The following CCSER1 variants were observed in gnomAD, a reference collection of about 807,000 sequenced individuals.
The protein encoded by CCSER1 is serine-rich coiled-coil domain-containing protein 1.
Under a neutral mutation model 82.0 loss-of-function variants are expected in CCSER1, and 41 were observed. The observed-to-expected ratio is 0.50, with a 90% confidence interval of 0.39 to 0.65. The LOEUF (loss-of-function observed/expected upper bound fraction) is 0.65. Among genes scored for constraint, CCSER1 ranks in the 30% least tolerant of loss-of-function variants. The probability of loss-of-function intolerance (pLI) is 0.00; values close to 1 mark genes in which losing one functional copy is unlikely to be tolerated. For missense variants in CCSER1, 1,119 were observed against 1,064.2 expected, an observed-to-expected ratio of 1.05 and a Z score of -0.72; for synonymous variants, 414 against 383.9, an observed-to-expected ratio of 1.08 and a Z score of -0.92.
chr4:90,207,972 G>A (rs551642976), intron 1 of CCSER1, among the ~76,000 whole-genome samples: 1 of 152,300 alleles, frequency 6.6e-6, no homozygotes, highest in South Asian at 2.1e-4. Context: ...GGGGGAATGG[G>A]GGTTGGGGAC....
At chr4:90,715,057 A>G (rs1166380911) in intron 6 of CCSER1, among the ~76,000 whole-genome samples, 1 of 152,026 alleles carries the variant, frequency 6.6e-6, no homozygotes, top group Non-Finnish European at 1.5e-5. Flanking sequence ...GAGAGGATCC[A>G]GTTATTGCTT....
At chr4:91,006,963 T>C (rs1231633848) in intron 9 of CCSER1, among the ~76,000 whole-genome samples, 3 of 152,172 alleles carry the variant, frequency 2.0e-5, no homozygotes, top group East Asian at 3.9e-4. Context: ...CTATCCCTAA[T>C]TTGTTGAGAG....
intron 1 of CCSER1, among the ~76,000 whole-genome samples, chr4:90,264,773 C>A (rs1209989249): frequency 6.6e-6 from 1 of 151,982 alleles, no homozygotes; most frequent in Non-Finnish European, 1.5e-5. Flanking sequence ...GCTATCTGAG[C>A]ATTTAATATT....
At chr4:90,625,456 C>G (rs1723089588) in intron 5 of CCSER1, among the ~76,000 whole-genome samples, 1 of 152,092 alleles carries the variant, frequency 6.6e-6, no homozygotes, top group Admixed American at 6.6e-5. Flanking sequence ...AGTGGCAACC[C>G]CATTTAACAG....
intron 10 of CCSER1, among the ~76,000 whole-genome samples, chr4:91,451,683 A>G (rs1344126534): frequency 6.6e-6 from 1 of 152,040 alleles, no homozygotes; most frequent in African/African-American, 2.4e-5. Flanking sequence ...AACATACAAT[A>G]TGCACCCAAA....
At chr4:90,494,860 A>ATT (rs34116226) in intron 5 of CCSER1, among the ~76,000 whole-genome samples, 7 of 150,554 alleles carry the variant, frequency 4.6e-5, no homozygotes, top group South Asian at 4.2e-4. Flanking sequence ...CCTGGGGTAG[A>ATT]TTTTTTTTTT....
At chr4:90,872,791 T>C (rs1419235551) in intron 8 of CCSER1, among the ~76,000 whole-genome samples, 1 of 152,000 alleles carries the variant, frequency 6.6e-6, no homozygotes, top group Non-Finnish European at 1.5e-5. Context: ...GCATTTATTG[T>C]AGAACGTGTC....
At chr4:90,371,996 A>C (rs1747509737) in intron 3 of CCSER1, among the ~76,000 whole-genome samples, 2 of 152,234 alleles carry the variant, frequency 1.3e-5, no homozygotes, top group South Asian at 4.1e-4. Context: ...GAATGTGTTC[A>C]CATATTAACC....
chr4:90,605,251 C>T (rs1358960469), intron 5 of CCSER1, among the ~76,000 whole-genome samples: 2 of 152,150 alleles, frequency 1.3e-5, no homozygotes, highest in Non-Finnish European at 2.9e-5. Context: ...GGGTCTGCAG[C>T]TTCATTCTTG....
At chr4:91,351,537 T>A (rs1748470243) in intron 10 of CCSER1, among the ~76,000 whole-genome samples, 1 of 152,110 alleles carries the variant, frequency 6.6e-6, no homozygotes, top group Admixed American at 6.5e-5. Context: ...AATACTTACT[T>A]ATAAAATAAA....
chr4:90,225,794 A>G (rs1411323282), intron 1 of CCSER1, among the ~76,000 whole-genome samples: 2 of 152,078 alleles, frequency 1.3e-5, no homozygotes, highest in Admixed American at 6.6e-5. Flanking sequence ...TAGATATGCT[A>G]CTGGTTTGAT....
rs191577463 is a variant in CCSER1, at chr4:91,382,015, G to C, written c.2218-216557G>C. Reference sequence around the variant, plus strand: ...TCCAACTCTGTTGGAGTTTGCTGGAGGCCCATTCCAGATCCTGTTTGCCTG... The same window carrying C: ...TCCAACTCTGTTGGAGTTTGCTGGACGCCCATTCCAGATCCTGTTTGCCTG... On this transcript the variant is annotated intron_variant, in intron 10 of 10. Transcript: ENST00000509176. Among the ~76,000 whole-genome samples the C allele has an allele frequency of 1.7e-4, 26 of 152,272 alleles. No individual in the cohort carries two copies. The East Asian group carries it at 5.0e-3, about 29-fold the overall frequency.
At chr4:91,299,335 T>C (rs2149235455) in intron 10 of CCSER1, among the ~76,000 whole-genome samples, 1 of 152,160 alleles carries the variant, frequency 6.6e-6, no homozygotes, top group East Asian at 1.9e-4. Flanking sequence ...ATGCAAACAT[T>C]ATCTCACTTG....
intron 1 of CCSER1, among the ~76,000 whole-genome samples, chr4:90,168,616 A>G (rs1396634001): frequency 3.3e-5 from 5 of 152,170 alleles, no homozygotes; most frequent in African/African-American, 7.2e-5. Flanking sequence ...TAGGTCTAAC[A>G]TTGAAGTCTT....
intron 1 of CCSER1, among the ~76,000 whole-genome samples, chr4:90,291,037 A>AG (rs201515190): frequency 5.9e-5 from 9 of 151,294 alleles, no homozygotes; most frequent in East Asian, 1.9e-4. Context: ...GAATAATTAT[A>AG]TTCCTTAAAA....
intron 5 of CCSER1, among the ~76,000 whole-genome samples, chr4:90,597,855 A>G (rs1489281898): frequency 1.3e-5 from 2 of 151,944 alleles, no homozygotes; most frequent in Non-Finnish European, 2.9e-5. Flanking sequence ...TATAGGGTTG[A>G]CCTTCACTTT....
intron 10 of CCSER1, among the ~76,000 whole-genome samples, chr4:91,089,567 G>A (rs1046503554): frequency 1.3e-5 from 2 of 152,258 alleles, no homozygotes; most frequent in Admixed American, 1.3e-4. Flanking sequence ...GTCTTCCCGT[G>A]CAATAGATTG....
chr4:91,356,868 T>C lies in CCSER1; in HGVS notation c.2218-241704T>C, dbSNP rs1282817041. Among the ~76,000 whole-genome samples the C allele has an allele frequency of 2.6e-5, 4 of 152,282 alleles. No individual in the cohort carries two copies. In the East Asian group the frequency reaches 5.8e-4, roughly 22 times the overall value. ...AGGATACAGCAGAGAGAGCTTGGCATGACTTATTACTCCAGGCTGTAGAAT... is the reference window on the plus strand; with the variant it reads ...AGGATACAGCAGAGAGAGCTTGGCACGACTTATTACTCCAGGCTGTAGAAT... On this transcript the variant is annotated intron_variant, in intron 10 of 10. Coordinates refer to ENST00000509176, the MANE Select transcript of CCSER1 (RefSeq NM_001145065.2).
chr4:90,804,056 G>A (rs1443531479), intron 7 of CCSER1, among the ~76,000 whole-genome samples: 1 of 152,060 alleles, frequency 6.6e-6, no homozygotes, highest in Non-Finnish European at 1.5e-5. Context: ...TTTTGATGGG[G>A]TTGTTTGTTT....
Sources: gnomAD v4.1 joint callset for allele counts (sites outside exome capture counted in the v4.1 genomes callset) on GRCh38, gnomAD v4.1.1 for gene constraint, MANE v1.5 for transcripts, NCBI Gene and HGNC (gene_info 2026-07-23, HGNC 2026-07-21) for gene names.